The following CEP112 variants were observed in gnomAD, a reference collection of about 807,000 sequenced individuals.
The protein encoded by CEP112 is centrosomal protein of 112 kDa.
A neutral mutation model predicts 153.0 loss-of-function variants in CEP112; 127 were observed. The observed-to-expected ratio is 0.83, with a 90% CI of 0.72 to 0.96. The LOEUF is 0.96. CEP112 is among the 40% of genes least tolerant of loss of function. The pLI is 0.00. For synonymous variants in CEP112, 358 were observed against 374.4 expected (o/e 0.96, Z 0.51); for missense variants, 1,089 against 1,101.2 (o/e 0.99, Z 0.16).
At chr17:65,885,478 T>C (rs984104348) in intron 20 of CEP112, among the ~76,000 whole-genome samples, 7 of 152,232 alleles carry the variant, frequency 4.6e-5, no homozygotes, top group Admixed American at 2.0e-4. Flanking sequence ...AAAGTTATGT[T>C]GTTTTCCTTT....
At chr17:65,846,316 T>C (rs939103579) in intron 21 of CEP112, among the ~76,000 whole-genome samples, 1 of 152,180 alleles carries the variant, frequency 6.6e-6, no homozygotes, top group Non-Finnish European at 1.5e-5. Context: ...TTTTAAAAAA[T>C]TTGTGTAGAA....
intron 8 of CEP112, among the ~76,000 whole-genome samples, chr17:66,084,067 A>G (rs1474936540): frequency 6.6e-6 from 1 of 152,184 alleles, no homozygotes; most frequent in Admixed American, 6.5e-5. Flanking sequence ...AGATGCAACT[A>G]TTTAAAAGGA....
chr17:65,707,330 C>T (rs991686125), intron 23 of CEP112, among the ~76,000 whole-genome samples: 2 of 152,168 alleles, frequency 1.3e-5, no homozygotes, highest in African/African-American at 4.8e-5. Context: ...TTCTCTCCAT[C>T]TCTAGTACTA....
chr17:66,075,938 C>A (rs1313140076), intron 8 of CEP112, among the ~76,000 whole-genome samples: 1 of 152,312 alleles, frequency 6.6e-6, no homozygotes, highest in African/African-American at 2.4e-5. Flanking sequence ...CACACCCCCA[C>A]TGGGAAAACT....
intron 21 of CEP112, among the ~76,000 whole-genome samples, chr17:65,817,568 T>C (rs745632236): frequency 6.6e-6 from 1 of 151,956 alleles, no homozygotes; most frequent in Non-Finnish European, 1.5e-5. Flanking sequence ...TATTTATTTC[T>C]AGCTTCTTGA....
At chr17:65,965,856 A>G (rs2062396106) in intron 17 of CEP112, among the ~76,000 whole-genome samples, 1 of 152,158 alleles carries the variant, frequency 6.6e-6, no homozygotes, top group Non-Finnish European at 1.5e-5. Context: ...CAATTCAAAT[A>G]AAGAGGTGAT....
intron 22 of CEP112, among the ~76,000 whole-genome samples, chr17:65,748,255 T>C (rs1427623483): frequency 6.6e-6 from 1 of 152,254 alleles, no homozygotes. Flanking sequence ...GGACTATCTT[T>C]GATTATATTA....
chr17:65,788,357 G>A (rs564671293), intron 21 of CEP112, among the ~76,000 whole-genome samples: 47 of 152,276 alleles, frequency 3.1e-4, no homozygotes, highest in Non-Finnish European at 5.3e-4. Flanking sequence ...AGATTGGTAT[G>A]TAATTTGCTT....
intron 21 of CEP112, among the ~76,000 whole-genome samples, chr17:65,784,060 G>A: frequency 6.6e-6 from 1 of 152,228 alleles, no homozygotes; most frequent in East Asian, 1.9e-4. Context: ...AGTGCAAGAT[G>A]GCAATGGATC....
chr17:66,020,212 C>T lies in CEP112; in HGVS notation c.1656+7289G>A, dbSNP rs190435793. ...GAATGAACGGTGGACAAACAATACA[C>T]CTAAAGGATACTGATGCCTTATACA... is the stretch of plus-strand genomic sequence containing the variant. On this transcript the variant is annotated intron_variant, in intron 16 of 26. Transcript: ENST00000535342. Among the ~76,000 whole-genome samples the T allele has an allele frequency of 2.3e-3, 355 of 152,126 alleles. 1 individual carries two copies. Among genetic ancestry groups the T allele is most frequent in the African/African-American group, 8.2e-3 (339 of 41,472 alleles).
chr17:65,773,423 A>G (rs1306124550), intron 21 of CEP112, among the ~76,000 whole-genome samples: 2 of 142,362 alleles, frequency 1.4e-5, no homozygotes, highest in Non-Finnish European at 3.1e-5. Flanking sequence ...CCATTTTTTT[A>G]TAATACTCAT....
At chr17:65,708,609 G>GT (rs1451681492) in intron 23 of CEP112, among the ~76,000 whole-genome samples, 2 of 152,186 alleles carry the variant, frequency 1.3e-5, no homozygotes, top group Middle Eastern at 3.4e-3. Context: ...AGTGGAGACA[G>GT]TTCTTCTCTT....
At chr17:66,167,534 G>A (rs1205219784) in intron 4 of CEP112, among the ~76,000 whole-genome samples, 1 of 152,140 alleles carries the variant, frequency 6.6e-6, no homozygotes, top group Non-Finnish European at 1.5e-5. Context: ...GTCAGAAGTG[G>A]AATGTGAACA....
At chr17:66,121,517 C>T (rs781711645) in intron 6 of CEP112, among the ~76,000 whole-genome samples, 2 of 152,092 alleles carry the variant, frequency 1.3e-5, no homozygotes, top group South Asian at 2.1e-4. Flanking sequence ...TCCACATTTC[C>T]GTGAGGCAAT....
chr17:65,979,244 T>G (rs953163414), intron 17 of CEP112, among the ~76,000 whole-genome samples: 1 of 152,060 alleles, frequency 6.6e-6, no homozygotes, highest in African/African-American at 2.4e-5. Flanking sequence ...TTTTATTTAT[T>G]TATTTATTTT....
intron 23 of CEP112, among the ~76,000 whole-genome samples, chr17:65,733,963 T>C (rs1041276865): frequency 1.6e-4 from 24 of 152,198 alleles, no homozygotes; most frequent in Non-Finnish European, 3.2e-4. Flanking sequence ...ACCTGACTGA[T>C]GTTGGGTGGG....
At chr17:65,771,799 G>T (rs1027558103) in intron 21 of CEP112, among the ~76,000 whole-genome samples, 12 of 152,134 alleles carry the variant, frequency 7.9e-5, no homozygotes, top group Non-Finnish European at 1.6e-4. Flanking sequence ...AGAATTGCTT[G>T]AGGCCAGAAG....
chr17:65,930,733 G>A (rs541646871), intron 18 of CEP112, among the ~76,000 whole-genome samples: 2 of 152,306 alleles, frequency 1.3e-5, no homozygotes, highest in East Asian at 3.9e-4. Flanking sequence ...GACCTCAAGT[G>A]AGATTCTCCT....
intron 8 of CEP112, among the ~76,000 whole-genome samples, chr17:66,095,196 C>A (rs1205816456): frequency 6.6e-6 from 1 of 151,936 alleles, no homozygotes; most frequent in Non-Finnish European, 1.5e-5. Context: ...CTATCTGCAC[C>A]CCCATGTTCA....
Sources: gnomAD v4.1 joint callset for allele counts (sites outside exome capture counted in the v4.1 genomes callset) on GRCh38, gnomAD v4.1.1 for gene constraint, MANE v1.5 for transcripts, NCBI Gene and HGNC (gene_info 2026-07-23, HGNC 2026-07-21) for gene names.